Variants in ADAMTSL3 observed in about 807,000 individuals in gnomAD.
ADAMTSL3 encodes ADAMTS like 3, also known as ADAMTS-like protein 3.
In ADAMTSL3, 128 loss-of-function variants were observed where a neutral mutation model predicts 201.7. That is an observed-to-expected ratio of 0.63 (90% CI 0.55 to 0.73). The LOEUF (loss-of-function observed/expected upper bound fraction) is 0.73, where lower values mean the gene tolerates loss of function less well. ADAMTSL3 is among the 30% of genes least tolerant of loss of function. The pLI, the probability that ADAMTSL3 is intolerant of heterozygous loss-of-function variation, is 0.00. For missense variants in ADAMTSL3, 1,990 were observed against 2,119.6 expected (o/e 0.94, Z 1.20); for synonymous variants, 738 against 748.4 (o/e 0.99, Z 0.23).
At chr15:83,810,498 A>G (rs1413351540) in intron 5 of ADAMTSL3, among the ~76,000 whole-genome samples, 1 of 152,208 alleles carries the variant, frequency 6.6e-6, no homozygotes, top group Non-Finnish European at 1.5e-5. Flanking sequence ...TATTACTATA[A>G]ATATAGTGGC....
chr15:84,022,948 A>G (rs1292593974), intron 26 of ADAMTSL3, among the ~76,000 whole-genome samples: 3 of 152,092 alleles, frequency 2.0e-5, no homozygotes, highest in Admixed American at 1.3e-4. Context: ...ATATACCTCA[A>G]TACATGCTCA....
intron 27 of ADAMTSL3, among the ~76,000 whole-genome samples, chr15:84,030,331 T>C (rs2068381791): frequency 6.6e-6 from 1 of 152,168 alleles, no homozygotes; most frequent in Non-Finnish European, 1.5e-5. Flanking sequence ...CTTAAGGCCA[T>C]GGGAGCCCAC....
At chr15:83,812,210 G>A (rs2063710369) in intron 5 of ADAMTSL3, among the ~76,000 whole-genome samples, 2 of 152,276 alleles carry the variant, frequency 1.3e-5, no homozygotes, top group Middle Eastern at 3.4e-3. Flanking sequence ...CATAGCAGGA[G>A]TGGGGACCAG....
intron 2 of ADAMTSL3, among the ~76,000 whole-genome samples, chr15:83,692,356 A>C (rs2061621335): frequency 6.6e-6 from 1 of 151,694 alleles, no homozygotes; most frequent in South Asian, 2.1e-4. Flanking sequence ...AGACACCCTG[A>C]CTCTAAATCT....
chr15:83,828,116 G>A (rs1449007875), intron 6 of ADAMTSL3, among the ~76,000 whole-genome samples: 2 of 152,140 alleles, frequency 1.3e-5, no homozygotes, highest in African/African-American at 4.8e-5. Context: ...ATTACCTTGG[G>A]CAGTATGGCC....
At chr15:83,758,289 G>A (rs2062752565) in intron 3 of ADAMTSL3, among the ~76,000 whole-genome samples, 1 of 152,218 alleles carries the variant, frequency 6.6e-6, no homozygotes, top group African/African-American at 2.4e-5. Flanking sequence ...GGTGGAAGAG[G>A]AAGGAAGAGC....
At chr15:83,942,484 A>C (rs768452314) in intron 17 of ADAMTSL3, 112 bp from the exon 18 acceptor site, 57 of 903,690 alleles carry the variant, frequency 6.3e-5, no homozygotes, top group Admixed American at 1.2e-4. Context: ...GAATCTGTAT[A>C]CAGGGTGTGA....
rs564715238 is a variant in ADAMTSL3 at position 83,913,970 on chromosome 15, G to A, written c.1987+592G>A. ...TTTATACAATCTAGGATCCAAAAGGGAGTGAAGGAGTGGTTAACAGGAGTC... is the reference window on the plus strand; with the variant it reads ...TTTATACAATCTAGGATCCAAAAGGAAGTGAAGGAGTGGTTAACAGGAGTC... On this transcript the variant is annotated intron_variant, in intron 16 of 29. Coordinates refer to ENST00000286744, the MANE Select transcript of ADAMTSL3 (RefSeq NM_207517.3). Among the ~76,000 whole-genome samples the A allele has an allele frequency of 8.5e-5, 13 of 152,328 alleles. No individual in the cohort carries two copies. In the East Asian group the frequency reaches 2.5e-3, roughly 29 times the overall value.
chr15:83,944,932 T>C (rs2066627281), intron 19 of ADAMTSL3, among the ~76,000 whole-genome samples: 1 of 152,230 alleles, frequency 6.6e-6, no homozygotes, highest in South Asian at 2.1e-4. Context: ...TGGCTGTAGG[T>C]TGGATTAACA....
At chr15:83,823,922 CTTCTTCT>C (rs1567169492) in intron 6 of ADAMTSL3, among the ~76,000 whole-genome samples, 6 of 116,460 alleles carry the variant, frequency 5.2e-5, no homozygotes, top group Non-Finnish European at 1.1e-4. Context: ...TCTTCTTCTT[CTTCTTCT>C]TCTTCTTCTT....
At chr15:83,801,651 A>AATATAAATATATATATAT (rs1555445598) in intron 4 of ADAMTSL3, among the ~76,000 whole-genome samples, 2 of 31,264 alleles carry the variant, frequency 6.4e-5, no homozygotes, top group Admixed American at 4.8e-4. Flanking sequence ...TATAAATATA[A>AATATAAATATATATATAT]ATATATATAT....
chr15:83,669,089 A>G (rs554243178), intron 2 of ADAMTSL3, among the ~76,000 whole-genome samples: 1 of 152,338 alleles, frequency 6.6e-6, no homozygotes, highest in Admixed American at 6.5e-5. Flanking sequence ...TTATTAGGGC[A>G]GGGGAGTGTG....
intron 15 of ADAMTSL3, among the ~76,000 whole-genome samples, chr15:83,912,806 G>C (rs1449075914): frequency 6.6e-6 from 1 of 152,110 alleles, no homozygotes; most frequent in African/African-American, 2.4e-5. Context: ...AAATCTTAAA[G>C]AAAACCTTTA....
intron 23 of ADAMTSL3, among the ~76,000 whole-genome samples, chr15:84,010,270 G>A (rs541983947): frequency 6.6e-6 from 1 of 152,294 alleles, no homozygotes; most frequent in South Asian, 2.1e-4. Context: ...TATGTAAGGA[G>A]ATTTTTTTCT....
At chr15:83,790,870 G>C (rs188877449) in intron 4 of ADAMTSL3, among the ~76,000 whole-genome samples, 2 of 152,144 alleles carry the variant, frequency 1.3e-5, no homozygotes, top group Non-Finnish European at 2.9e-5. Flanking sequence ...TGAGCACATA[G>C]ATAACAAAAT....
At chr15:83,675,501 T>C (rs183151097) in intron 2 of ADAMTSL3, among the ~76,000 whole-genome samples, 15 of 152,180 alleles carry the variant, frequency 9.9e-5, no homozygotes, top group African/African-American at 3.4e-4. Context: ...TCATTCTTTT[T>C]ATATATATTG....
At position 84,014,604 on chromosome 15, in the gene ADAMTSL3, T is replaced by C. The variant is rs768497235; in HGVS notation, c.4036T>C (p.Leu1346=). 2 of 1,614,166 alleles carry C rather than the reference T, an allele frequency of 1.2e-6. No homozygotes were observed. Among genetic ancestry groups the C allele is most frequent in the Admixed American group, 3.3e-5 (2 of 60,020 alleles). ...RGGSLSGNVS[L]LFNGSLLLQN... The stretch of plus-strand genomic sequence containing the variant: ...AGGATCTCTGAGTGGCAATGTTTCC[T>C]TGCTTTTCAATGGATCCCTGTTGTT... Residue 1346 remains leucine (L), a synonymous_variant, in exon 24 of 30, where the codon TTG becomes CTG. Transcript: ENST00000286744.
At chr15:83,891,828 G>A (rs2065504407) in intron 12 of ADAMTSL3, among the ~76,000 whole-genome samples, 1 of 152,202 alleles carries the variant, frequency 6.6e-6, no homozygotes, top group Non-Finnish European at 1.5e-5. Flanking sequence ...CTTATGAAGG[G>A]TAAATAGGGA....
In ADAMTSL3 at chr15:83,870,254, A is replaced by G. The variant is rs147523140; in HGVS notation, c.803-548A>G. 8.4e-3 allele frequency among the ~76,000 whole-genome samples: 1,286 copies of G among 152,288 alleles called. 16 individuals are homozygous for G. The highest frequency in any genetic ancestry group is 0.011 in the Non-Finnish European group (742 of 68,022). ...ATATGCACATATTGTACCAGTGTCA[A>G]TTTCCTGGTTTTGATATTCAACTAT... On this transcript the variant is annotated intron_variant, in intron 8 of 29. Transcript: ENST00000286744.
Sources: gnomAD v4.1 joint callset for allele counts (sites outside exome capture counted in the v4.1 genomes callset) on GRCh38, gnomAD v4.1.1 for gene constraint, MANE v1.5 for transcripts, NCBI Gene and HGNC (gene_info 2026-07-23, HGNC 2026-07-21) for gene names.